Variants in SNX18 observed in about 807,000 individuals in gnomAD.
The protein encoded by SNX18 is sorting nexin-18.
A neutral mutation model predicts 48.7 loss-of-function variants in SNX18; 35 were observed. That is an observed-to-expected ratio of 0.72 (90% CI 0.55 to 0.95). SNX18 has a LOEUF of 0.95. Among genes scored for constraint, SNX18 ranks in the 40% least tolerant of loss-of-function variants. The pLI is 0.00. For synonymous variants in SNX18, 492 were observed against 384.7 expected (o/e 1.28, Z -3.26); for missense variants, 824 against 871.0 (o/e 0.95, Z 0.68).
At chr5:54,521,447 C>T (rs1363641828) in intron 1 of SNX18, among the ~76,000 whole-genome samples, 1 of 152,136 alleles carries the variant, frequency 6.6e-6, no homozygotes, top group African/African-American at 2.4e-5. Context: ...GCCTGTAATC[C>T]CAGCATTTTG....
chr5:54,645,062 T>C, the SNX18 span: 1 of 152,210 alleles, frequency 6.6e-6, no homozygotes, highest in Non-Finnish European at 1.5e-5. Flanking sequence ...ACAGTAAAGT[T>C]TGGGAAGCAC....
At chr5:54,535,789 C>T (rs974562957) in intron 1 of SNX18, among the ~76,000 whole-genome samples, 1 of 152,116 alleles carries the variant, frequency 6.6e-6, no homozygotes, top group Admixed American at 6.5e-5. Context: ...TTATTAAAAA[C>T]AAAAATTTGA....
At chr5:54,587,179 A>C in the SNX18 span, among the ~76,000 whole-genome samples, 7 of 152,276 alleles carry the variant, frequency 4.6e-5, no homozygotes, top group Admixed American at 3.3e-4. Flanking sequence ...GAATCCATTC[A>C]AGTCTTATTT....
At position 54,518,174 on chromosome 5, in the gene SNX18, C is replaced by T. The variant is rs1462611659; in HGVS notation, c.222C>T (p.Ala74=). 2.9e-6 allele frequency: 4 copies of T among 1,385,962 alleles called. No homozygotes were observed. The highest frequency in any genetic ancestry group is 3.7e-6 in the Non-Finnish European group (4 of 1,077,934). The allele number at this position is 1,385,962 out of a possible 1,614,324, so 85.9% of individuals were successfully genotyped here. A position where few individuals can be genotyped will look rare whatever the true frequency, so the allele number is the denominator to read the frequency against. The change falls in exon 1 of 2, where the codon GCC becomes GCT. Residue 74 remains alanine (A), a synonymous_variant. Coordinates refer to ENST00000381410, the MANE Select transcript of SNX18 (RefSeq NM_001102575.2). ...CGGCGGGAGACGGCGGCCCGGGCGC[C>T]CCGGCCCGCTACGCCAATGTGCCCC... ...PGPAGDGGPG[A]PARYANVPPG...
At chr5:54,523,435 T>C (rs897375366) in intron 1 of SNX18, among the ~76,000 whole-genome samples, 1 of 152,230 alleles carries the variant, frequency 6.6e-6, no homozygotes, top group Non-Finnish European at 1.5e-5. Flanking sequence ...TAAAAGATTA[T>C]GAGAAATACT....
chr5:54,626,613 G>C, the SNX18 span, among the ~76,000 whole-genome samples: 1 of 152,154 alleles, frequency 6.6e-6, no homozygotes, highest in African/African-American at 2.4e-5. Flanking sequence ...TCTCAACCAG[G>C]GATAATTTTG....
chr5:54,601,454 G>C, the SNX18 span, among the ~76,000 whole-genome samples: 9 of 152,304 alleles, frequency 5.9e-5, no homozygotes, highest in East Asian at 1.7e-3. Context: ...AGCATGAGGA[G>C]AGTCTTTGTT....
the SNX18 span, among the ~76,000 whole-genome samples, chr5:54,647,580 G>A: frequency 1.3e-5 from 2 of 152,094 alleles, no homozygotes; most frequent in Non-Finnish European, 2.9e-5. Flanking sequence ...AGAGGAAGGG[G>A]AGGTAGGCAG....
the SNX18 span, among the ~76,000 whole-genome samples, chr5:54,584,879 C>G: frequency 2.0e-5 from 3 of 152,192 alleles, no homozygotes; most frequent in East Asian, 5.8e-4. Context: ...TCAGTGTTAT[C>G]CTAGACTGAA....
rs772468818 is a variant in SNX18 at position 54,518,497 on chromosome 5, C to A, written c.545C>A (p.Ser182Ter). The stretch of plus-strand genomic sequence containing the variant: ...GGAGCATACCCGGACCTCGACGGCT[C>A]GTCTTCGGCGGGTGTGGGCGCAGCC... Reference protein sequence around the residue: ...GSGAYPDLDGSSSAGVGAAGR... With the variant: ...GSGAYPDLDG The change falls in exon 1 of 2, where the codon TCG (serine) becomes TAG (stop). Residue 182 changes from serine (S) to a stop codon, truncating the protein, a stop_gained. Coordinates refer to ENST00000381410, the MANE Select transcript of SNX18 (RefSeq NM_001102575.2). LOFTEE classifies it high-confidence loss of function. 1 of 1,569,008 alleles carries A rather than the reference C, an allele frequency of 6.4e-7. No homozygotes were observed. Among genetic ancestry groups the A allele is most frequent in the South Asian group, 1.1e-5 (1 of 87,256 alleles).
At position 54,518,474 on chromosome 5, in the gene SNX18, A is replaced by C; in HGVS notation, c.522A>C (p.Gly174=). 2 of 1,570,896 alleles carry C rather than the reference A, an allele frequency of 1.3e-6. No homozygotes were observed. Among genetic ancestry groups the C allele is most frequent in the Non-Finnish European group, 1.7e-6 (2 of 1,158,726 alleles). ...ACGAGCCGGGCGCTCTGGGCAGCGGAGCATACCCGGACCTCGACGGCTCGT... is the reference window on the plus strand; with the variant it reads ...ACGAGCCGGGCGCTCTGGGCAGCGGCGCATACCCGGACCTCGACGGCTCGT... ...VADEPGALGS[G]AYPDLDGSSS... Residue 174 remains glycine (G), a synonymous_variant, in exon 1 of 2, where the codon GGA becomes GGC. Coordinates refer to ENST00000381410, the MANE Select transcript of SNX18 (RefSeq NM_001102575.2).
chr5:54,600,459 C>T, the SNX18 span, among the ~76,000 whole-genome samples: 2 of 152,082 alleles, frequency 1.3e-5, no homozygotes, highest in African/African-American at 4.8e-5. Flanking sequence ...ACCATTTGAC[C>T]CAGCAATCCC....
At position 54,518,069 on chromosome 5, in the gene SNX18, C is replaced by T. The variant is rs749200304; in HGVS notation, c.117C>T (p.Leu39=). Reference sequence around the variant, plus strand: ...GCGAGCAGGACATCGAGGGCTGGCTCGAGGGGGTCAACAGCCGCGGCGACC... The same window carrying T: ...GCGAGCAGGACATCGAGGGCTGGCTTGAGGGGGTCAACAGCCGCGGCGACC... The part of the protein sequence containing the change: ...LCSEQDIEGW[L]EGVNSRGDRG... Residue 39 remains leucine, a synonymous_variant, in exon 1 of 2, where the codon CTC becomes CTT. Coordinates refer to ENST00000381410, the MANE Select transcript of SNX18 (RefSeq NM_001102575.2). The T allele has an allele frequency of 1.0e-5, 16 of 1,543,060 alleles. No individual in the cohort carries two copies. The East Asian group carries it at 1.9e-4, about 18-fold the overall frequency.
At chr5:54,525,779 A>G (rs1251111772) in intron 1 of SNX18, among the ~76,000 whole-genome samples, 4 of 152,198 alleles carry the variant, frequency 2.6e-5, no homozygotes, top group African/African-American at 9.7e-5. Flanking sequence ...TTTTTAAAAA[A>G]ATAAGAGTAG....
chr5:54,575,133 C>A, the SNX18 span, among the ~76,000 whole-genome samples: 1 of 152,014 alleles, frequency 6.6e-6, no homozygotes, highest in South Asian at 2.1e-4. Context: ...TTCTGGCTTC[C>A]ACTTGGCTCT....
At chr5:54,611,945 A>G in the SNX18 span, among the ~76,000 whole-genome samples, 2 of 151,744 alleles carry the variant, frequency 1.3e-5, no homozygotes, top group East Asian at 2.0e-4. Context: ...TAGCACAATC[A>G]TAACTCACTG....
chr5:54,558,587 G>T, the SNX18 span, among the ~76,000 whole-genome samples: 1 of 152,154 alleles, frequency 6.6e-6, no homozygotes, highest in Non-Finnish European at 1.5e-5. Context: ...GGCCCTTGAT[G>T]ATATCATATA....
At chr5:54,543,111 A>G (rs1413871292) in intron 1 of SNX18, 68 bp from the exon 2 acceptor site, 8 of 1,465,822 alleles carry the variant, frequency 5.5e-6, no homozygotes, top group African/African-American at 2.9e-5. Flanking sequence ...ATTCTGTTTA[A>G]TATGTAGTTA....
chr5:54,561,241 A>G, the SNX18 span, among the ~76,000 whole-genome samples: 7 of 151,772 alleles, frequency 4.6e-5, no homozygotes, highest in Non-Finnish European at 8.8e-5. Flanking sequence ...GGGTTTCTCC[A>G]TGTTGGTCAG....
Sources: allele counts gnomAD v4.1 joint callset (sites outside exome capture counted in the v4.1 genomes callset), GRCh38; gene constraint gnomAD v4.1.1; transcripts MANE v1.5; gene names NCBI Gene and HGNC (gene_info 2026-07-23, HGNC 2026-07-21).